RUSC1: variants seen among roughly 807,000 people sequenced by gnomAD.
The protein encoded by RUSC1 is AP-4 complex accessory subunit RUSC1.
Under a neutral mutation model 72.1 loss-of-function variants are expected in RUSC1, and 40 were observed. The ratio of observed to expected loss-of-function variants is 0.55; its 90% CI spans 0.43 to 0.72. The LOEUF is 0.72. Among genes scored for constraint, RUSC1 ranks in the 30% least tolerant of loss-of-function variants. RUSC1 has a pLI of 0.00. For synonymous variants in RUSC1, 512 were observed against 494.2 expected (o/e 1.04, Z -0.48); for missense variants, 1,092 against 1,172.3 (o/e 0.93, Z 1.00).
Position 155,327,141 on chromosome 1 carries a change from G to T in RUSC1, c.2414+9G>T. On this transcript the variant is annotated intron_variant, in intron 8 of 9. Coordinates refer to ENST00000368352, the MANE Select transcript of RUSC1 (RefSeq NM_001105203.2). ...GGAGCCCTAAAGTCCAGGTAATGGG[G>T]TACCTTGTCCTTTCTATGACCTTCT... 1 of 1,590,754 alleles carries T rather than the reference G, an allele frequency of 6.3e-7. No individual in the cohort carries two copies. Among genetic ancestry groups the T allele is most frequent in the Non-Finnish European group, 8.6e-7 (1 of 1,166,846 alleles).
At position 155,323,136 on chromosome 1, in the gene RUSC1, A is replaced by T; in HGVS notation, c.1357+6A>T. 1 of 1,404,404 alleles carries T rather than the reference A, an allele frequency of 7.1e-7. No homozygotes were observed. Among genetic ancestry groups the T allele is most frequent in the Non-Finnish European group, 9.2e-7 (1 of 1,086,120 alleles). 87.0% of individuals were successfully genotyped at this position (1,404,404 alleles called of 1,614,324 possible). A position where few individuals can be genotyped will look rare whatever the true frequency, so the allele number is the denominator to read the frequency against. Reference sequence around the variant, plus strand: ...CGCGCAGGCCGGCCTGGAGGGTAAGAGGTCGCAAGAAGCGGGAGGAGGGCT... The same window carrying T: ...CGCGCAGGCCGGCCTGGAGGGTAAGTGGTCGCAAGAAGCGGGAGGAGGGCT... On this transcript the variant is annotated splice_donor_region_variant and intron_variant, in intron 2 of 9. Coordinates refer to ENST00000368352, the MANE Select transcript of RUSC1 (RefSeq NM_001105203.2).
chr1:155,330,476 C>T lies in RUSC1; in HGVS notation c.2614C>T (p.Arg872Cys). 3.7e-6 allele frequency: 6 copies of T among 1,613,906 alleles called. No individual in the cohort carries two copies. The highest frequency in any genetic ancestry group is 5.1e-6 in the Non-Finnish European group (6 of 1,180,000). The change falls in exon 10 of 10, where the codon CGT becomes TGT. Residue 872 changes from arginine to cysteine, a missense_variant. Arg to Cys is a radical substitution (Grantham distance 180, BLOSUM62 -3). Coordinates refer to ENST00000368352, the MANE Select transcript of RUSC1 (RefSeq NM_001105203.2). Reference sequence around the variant, plus strand: ...GAGCTTCCGGCGTGGGGAAGTGCTGCGTGTCATCACCACAGTGGATGAGGA... The same window carrying T: ...GAGCTTCCGGCGTGGGGAAGTGCTGTGTGTCATCACCACAGTGGATGAGGA... ...QLSFRRGEVL[R>C]VITTVDEDWL...
Position 155,322,973 on chromosome 1 carries a change from G to GCCCCC in RUSC1, c.1201_1205dup (p.Pro404HisfsTer19). ...TTGGCTGGGCTTTGGTCCCGCCCCGGCCCCCACCCCCGCCTGTCCCTCCCC... is the reference window on the plus strand; with the variant it reads ...TTGGCTGGGCTTTGGTCCCGCCCCGGCCCCCCCCCCACCCCCGCCTGTCCCTCCCC... On this transcript the variant is annotated frameshift_variant, in exon 2 of 10. Transcript: ENST00000368352. LOFTEE classifies it high-confidence loss of function. The GCCCCC allele has an allele frequency of 2.0e-6, 3 of 1,463,508 alleles. No individual in the cohort carries two copies. Among genetic ancestry groups the GCCCCC allele is most frequent in the Non-Finnish European group, 2.8e-6 (3 of 1,088,406 alleles). The allele number at this position is 1,463,508 out of a possible 1,614,324, so 90.7% of individuals were successfully genotyped here.
In RUSC1 at chr1:155,325,074, A is replaced by G. The variant is rs1651178112; in HGVS notation, c.1457-28A>G. ...AGCCTGGGTAGGGGCGCGGCCTCCT[A>G]GCGTCTTCCCTTTCCCACTCCTCCC... On this transcript the variant is annotated intron_variant, in intron 3 of 9. Transcript: ENST00000368352. The surrounding 1 kb of genome is among the most constrained non-coding windows in gnomAD (Gnocchi z 6.5). The G allele has an allele frequency of 7.4e-6, 12 of 1,613,890 alleles. No individual in the cohort carries two copies. The Admixed American group carries it at 1.7e-4, about 22-fold the overall frequency.
Position 155,321,822 on chromosome 1 carries a change from C to A in RUSC1, c.49C>A (p.Leu17Ile). 2 of 1,613,950 alleles carry A rather than the reference C, an allele frequency of 1.2e-6. No individual in the cohort carries two copies. The highest frequency in any genetic ancestry group is 1.7e-6 in the Non-Finnish European group (2 of 1,180,010). Residue 17 changes from leucine to isoleucine, a missense_variant, in exon 2 of 10, where the codon CTC becomes ATC. Leu to Ile is a conservative substitution (Grantham distance 5). Coordinates refer to ENST00000368352, the MANE Select transcript of RUSC1 (RefSeq NM_001105203.2). ...ACTCTGCAACCTCAACCACATCCAC[C>A]TCCAGCACGTCTCCCTGGGCCTGCA... ...ALLCNLNHIH[L>I]QHVSLGLHLS...
In RUSC1 at chr1:155,325,772, C is replaced by T; in HGVS notation, c.1815-92C>T. On this transcript the variant is annotated intron_variant, in intron 6 of 9. Coordinates refer to ENST00000368352, the MANE Select transcript of RUSC1 (RefSeq NM_001105203.2). This position sits in a 1 kb window ranked among gnomAD's most constrained non-coding sequence, Gnocchi z 6.5. ...GTGCCTCACATCCCCAGAGAAGGCC[C>T]CCCCTCTTCCAATCTCATCTCCCAT... The T allele has an allele frequency of 2.5e-6, 4 of 1,581,410 alleles. No individual in the cohort carries two copies. Among genetic ancestry groups the T allele is most frequent in the East Asian group, 2.2e-5 (1 of 44,700 alleles).
At position 155,325,380 on chromosome 1, in the gene RUSC1, C is replaced by G. The variant is rs751376996; in HGVS notation, c.1598C>G (p.Pro533Arg). The change falls in exon 5 of 10, where the codon CCG (proline) becomes CGG (arginine). Residue 533 changes from proline (P) to arginine (R), a missense_variant. By Grantham distance (103) the Pro-to-Arg change is moderately radical (BLOSUM62 -2). Coordinates refer to ENST00000368352, the MANE Select transcript of RUSC1 (RefSeq NM_001105203.2). This position sits in a 1 kb window ranked among gnomAD's most constrained non-coding sequence, Gnocchi z 6.5. Reference sequence around the variant, plus strand: ...CACCTGGTGCTGACCACCCTCTGCCCGGCCCTCCACGCCCTGGTGGCGGAC... The same window carrying G: ...CACCTGGTGCTGACCACCCTCTGCCGGGCCCTCCACGCCCTGGTGGCGGAC... Reference protein sequence around the residue: ...VGHLVLTTLCPALHALVADGL... With the variant: ...VGHLVLTTLCRALHALVADGL... The G allele has an allele frequency of 6.3e-7, 1 of 1,594,160 alleles. No individual in the cohort carries two copies. Among genetic ancestry groups the G allele is most frequent in the South Asian group, 1.1e-5 (1 of 89,756 alleles).
rs1399851684 is a variant in RUSC1, at chr1:155,325,661, G to T, written c.1803G>T (p.Leu601=). 1 of 1,613,758 alleles carries T rather than the reference G, an allele frequency of 6.2e-7. No individual in the cohort carries two copies. Among genetic ancestry groups the T allele is most frequent in the Admixed American group, 1.7e-5 (1 of 60,018 alleles). The change falls in exon 6 of 10, where the codon CTG becomes CTT. Residue 601 remains leucine, a synonymous_variant. Transcript: ENST00000368352. The surrounding 1 kb of genome is among the most constrained non-coding windows in gnomAD (Gnocchi z 6.5). ...SSRSRFHAFI[L]GLLNTKQLEL... ...GTAGCCGCTTCCATGCCTTTATCCT[G>T]GGCCTCCTCAAGTGAGTTGCCTTCT...
Position 155,322,907 on chromosome 1 carries a change from C to A in RUSC1, c.1134C>A (p.Ser378Arg). ...CCTTCAAGGAACTCCGGTCCCGAAG[C>A]CGGGCCCCAGCCCCGCCAGTCCCGC... Reference protein sequence around the residue: ...VTTFKELRSRSRAPAPPVPPR... With the variant: ...VTTFKELRSRRRAPAPPVPPR... The change falls in exon 2 of 10, where the codon AGC (serine) becomes AGA (arginine). Residue 378 changes from serine (S) to arginine (R), a missense_variant. Physicochemically the swap from Ser to Arg is moderately radical, Grantham distance 110 (BLOSUM62 -1). Coordinates refer to ENST00000368352, the MANE Select transcript of RUSC1 (RefSeq NM_001105203.2). 1.3e-6 allele frequency: 2 copies of A among 1,580,274 alleles called. No individual in the cohort carries two copies. Among genetic ancestry groups the A allele is most frequent in the Non-Finnish European group, 1.7e-6 (2 of 1,163,628 alleles).
In RUSC1 at chr1:155,326,027, T is replaced by C. The variant is rs1651362350; in HGVS notation, c.1861+117T>C. ...ATGCCATTAATCCAGATCTCCGATC[T>C]TATTACTCTTCTAATTAAAACTTTC... On this transcript the variant is annotated intron_variant, in intron 7 of 9. Coordinates refer to ENST00000368352, the MANE Select transcript of RUSC1 (RefSeq NM_001105203.2). The surrounding 1 kb of genome is among the most constrained non-coding windows in gnomAD (Gnocchi z 4.7). 1.0e-5 allele frequency: 11 copies of C among 1,105,398 alleles called. No individual in the cohort carries two copies. The highest frequency in any genetic ancestry group is 1.5e-5 in the Non-Finnish European group (11 of 728,834). 68.5% of individuals were successfully genotyped at this position (1,105,398 alleles called of 1,614,324 possible). A position where few individuals can be genotyped will look rare whatever the true frequency, so the allele number is the denominator to read the frequency against.
At chr1:155,328,438 A>AT (rs111541385) in intron 9 of RUSC1, among the ~76,000 whole-genome samples, 163 bp downstream of exon 9, 5,201 of 141,888 alleles carry the variant, frequency 0.037, 269 homozygotes, top group African/African-American at 0.12. Flanking sequence ...TGAGCCTTGG[A>AT]TTTTTTTTTT....
intron 9 of RUSC1, among the ~76,000 whole-genome samples, 187 bp downstream of exon 9, chr1:155,328,462 A>G (rs1265365525): frequency 2.6e-5 from 4 of 151,582 alleles, no homozygotes. Flanking sequence ...TTAAGAGACA[A>G]GAGTCTTGCT....
At chr1:155,328,030 T>C in intron 8 of RUSC1, 120 bp from the exon 9 acceptor site, 1 of 1,315,628 alleles carries the variant, frequency 7.6e-7, no homozygotes, top group Non-Finnish European at 1.0e-6. Flanking sequence ...CAGCAGTGAC[T>C]AACCCCTGAC....
At position 155,322,945 on chromosome 1, in the gene RUSC1, C is replaced by A. The variant is rs576231802; in HGVS notation, c.1172C>A (p.Pro391Gln). The change falls in exon 2 of 10, where the codon CCA (proline) becomes CAA (glutamine). Residue 391 changes from proline to glutamine, a missense_variant. Pro to Gln is a moderately conservative substitution (Grantham distance 76). Transcript: ENST00000368352. ...CCGCCAGTCCCGCCTCGAGACCCCC[C>A]AGTTGGCTGGGCTTTGGTCCCGCCC... is the stretch of plus-strand genomic sequence containing the variant. ...PAPPVPPRDPPVGWALVPPRP... is the reference protein window; with the variant it reads ...PAPPVPPRDPQVGWALVPPRP... 1.3e-5 allele frequency: 21 copies of A among 1,594,802 alleles called. No individual in the cohort carries two copies. The South Asian group carries it at 2.4e-4, about 18-fold the overall frequency.
At position 155,325,270 on chromosome 1, in the gene RUSC1, G is replaced by A; in HGVS notation, c.1534-46G>A. The A allele has an allele frequency of 6.2e-7, 1 of 1,607,820 alleles. No homozygotes were observed. Among genetic ancestry groups the A allele is most frequent in the South Asian group, 1.1e-5 (1 of 91,056 alleles). On this transcript the variant is annotated intron_variant, in intron 4 of 9. Coordinates refer to ENST00000368352, the MANE Select transcript of RUSC1 (RefSeq NM_001105203.2). The surrounding 1 kb of genome is among the most constrained non-coding windows in gnomAD (Gnocchi z 6.5). Reference sequence around the variant, plus strand: ...ATGGTTGGCGGGAGGTGGCTGGGAGGTGTCTGGAGGGATCTCTGGAGCCAT... The same window carrying A: ...ATGGTTGGCGGGAGGTGGCTGGGAGATGTCTGGAGGGATCTCTGGAGCCAT...
intron 2 of RUSC1, chr1:155,323,858 C>A: frequency 1.0e-6 from 1 of 957,054 alleles, no homozygotes; most frequent in Non-Finnish European, 1.2e-6. Context: ...CTCAGGCGGG[C>A]CGCCCCGCCC....
intron 1 of RUSC1, 199 bp from the exon 2 acceptor site, chr1:155,321,482 GCTCCATT>G: frequency 6.8e-7 from 1 of 1,475,022 alleles, no homozygotes; most frequent in Non-Finnish European, 9.1e-7. Flanking sequence ...GACCCTCCCG[GCTCCATT>G]CCCGGGGGGT....
In RUSC1 at chr1:155,326,975, T is replaced by C; in HGVS notation, c.2257T>C (p.Trp753Arg). Residue 753 changes from tryptophan to arginine, a missense_variant, in exon 8 of 10, where the codon TGG becomes CGG. Coordinates refer to ENST00000368352, the MANE Select transcript of RUSC1 (RefSeq NM_001105203.2). This position sits in a 1 kb window ranked among gnomAD's most constrained non-coding sequence, Gnocchi z 4.7. Reference protein sequence around the residue: ...GGTEGFPLSRWAPGRHGTAAE... With the variant: ...GGTEGFPLSRRAPGRHGTAAE... Reference sequence around the variant, plus strand: ...CACTGAGGGCTTTCCTCTTTCCCGATGGGCACCGGGGCGTCATGGGACTGC... The same window carrying C: ...CACTGAGGGCTTTCCTCTTTCCCGACGGGCACCGGGGCGTCATGGGACTGC... 2 of 1,613,732 alleles carry C rather than the reference T, an allele frequency of 1.2e-6. No homozygotes were observed. Among genetic ancestry groups the C allele is most frequent in the South Asian group, 1.1e-5 (1 of 91,090 alleles).
At chr1:155,327,793 T>C (rs896029557) in intron 8 of RUSC1, among the ~76,000 whole-genome samples, 1 of 152,196 alleles carries the variant, frequency 6.6e-6, no homozygotes, top group Non-Finnish European at 1.5e-5. Flanking sequence ...AGCGAGACCC[T>C]GTCTCCTCTC....
Sources: gnomAD v4.1 joint callset for allele counts (sites outside exome capture counted in the v4.1 genomes callset) on GRCh38, gnomAD v4.1.1 for gene constraint, Gnocchi (gnomAD v3.1) non-coding constraint, MANE v1.5 for transcripts, NCBI Gene and HGNC (gene_info 2026-07-23, HGNC 2026-07-21) for gene names.